PLCB1: variants seen among roughly 807,000 people sequenced by gnomAD.
The protein encoded by PLCB1 is 1-phosphatidylinositol 4,5-bisphosphate phosphodiesterase beta-1.
PLCB1 carries 46 observed loss-of-function variants against 161.8 expected under a neutral mutation model. That is an observed-to-expected ratio of 0.28 (90% CI 0.22 to 0.36). PLCB1 has a LOEUF of 0.36. Among genes scored for constraint, PLCB1 ranks in the 10% least tolerant of loss-of-function variants. The pLI is 1.00. For missense variants in PLCB1, 1,016 were observed against 1,472.5 expected, an observed-to-expected ratio of 0.69 and a Z score of 5.07; for synonymous variants, 517 against 503.7, an observed-to-expected ratio of 1.03 and a Z score of -0.35.
At chr20:8,385,317 C>A (rs974426208) in intron 3 of PLCB1, among the ~76,000 whole-genome samples, 8 of 152,214 alleles carry the variant, frequency 5.3e-5, no homozygotes, top group African/African-American at 1.9e-4. Flanking sequence ...CAGTCTGCCA[C>A]AGCTGGTGTG....
At chr20:8,844,876 C>T (rs374723206) in intron 31 of PLCB1, among the ~76,000 whole-genome samples, 5 of 151,984 alleles carry the variant, frequency 3.3e-5, no homozygotes, top group South Asian at 4.2e-4. Context: ...TTTGGGAGGC[C>T]GAGGCGGGCG....
intron 12 of PLCB1, 44 bp from the exon 13 acceptor site, chr20:8,716,220 A>C: frequency 7.0e-7 from 1 of 1,434,542 alleles, no homozygotes; most frequent in Non-Finnish European, 9.8e-7. Flanking sequence ...GGTTCTTTGG[A>C]TAAGCCTCCC....
intron 3 of PLCB1, among the ~76,000 whole-genome samples, chr20:8,518,671 A>G (rs920137453): frequency 6.6e-6 from 1 of 152,292 alleles, no homozygotes; most frequent in Non-Finnish European, 1.5e-5. Flanking sequence ...CAATTTTTCC[A>G]TGGACCAGGG....
intron 31 of PLCB1, among the ~76,000 whole-genome samples, chr20:8,879,269 A>T (rs940657029): frequency 6.6e-6 from 1 of 150,958 alleles, no homozygotes; most frequent in African/African-American, 2.5e-5. Flanking sequence ...ATAAACATAC[A>T]AGTGCATGTC....
intron 2 of PLCB1, among the ~76,000 whole-genome samples, chr20:8,366,008 T>C (rs1406189458): frequency 6.6e-6 from 1 of 152,164 alleles, no homozygotes; most frequent in Non-Finnish European, 1.5e-5. Context: ...AGTATGCTTA[T>C]GGCTGATGGA....
chr20:8,591,062 G>A (rs1987136321), intron 3 of PLCB1, among the ~76,000 whole-genome samples: 1 of 152,128 alleles, frequency 6.6e-6, no homozygotes, highest in Non-Finnish European at 1.5e-5. Flanking sequence ...TTATAAGCGA[G>A]AACATGAGGC....
chr20:8,636,125 T>G (rs1388957816), intron 4 of PLCB1, among the ~76,000 whole-genome samples: 3 of 152,240 alleles, frequency 2.0e-5, no homozygotes, highest in Non-Finnish European at 4.4e-5. Flanking sequence ...TTCAGCAATT[T>G]GTTTTGGGAC....
At chr20:8,702,564 A>G (rs1320120310) in intron 11 of PLCB1, among the ~76,000 whole-genome samples, 1 of 152,182 alleles carries the variant, frequency 6.6e-6, no homozygotes, top group Non-Finnish European at 1.5e-5. Flanking sequence ...CACATATAAA[A>G]TGGATATCCA....
intron 3 of PLCB1, among the ~76,000 whole-genome samples, chr20:8,574,635 T>TAGTCAATAAAGGA (rs1162936148): frequency 2.0e-5 from 3 of 152,172 alleles, no homozygotes; most frequent in African/African-American, 7.2e-5. Context: ...AAAGGATATG[T>TAGTCAATAAAGGA]TATCAAGCCA....
intron 23 of PLCB1, 114 bp from the exon 24 acceptor site, chr20:8,756,932 T>C (rs892070242): frequency 1.0e-6 from 1 of 1,004,474 alleles, no homozygotes; most frequent in Non-Finnish European, 1.4e-6. Flanking sequence ...AAATTTGATA[T>C]TTCCAACTCC....
chr20:8,594,096 T>C (rs1345647206), intron 3 of PLCB1, among the ~76,000 whole-genome samples: 1 of 152,122 alleles, frequency 6.6e-6, no homozygotes, highest in Non-Finnish European at 1.5e-5. Flanking sequence ...TTGCCCACGC[T>C]GGTCTTGAAC....
chr20:8,347,727 A>G (rs1986041518), intron 2 of PLCB1, among the ~76,000 whole-genome samples: 1 of 152,248 alleles, frequency 6.6e-6, no homozygotes, highest in Non-Finnish European at 1.5e-5. Flanking sequence ...ATAACAACCA[A>G]TGAATGGACT....
At chr20:8,351,974 C>T (rs781390341) in intron 2 of PLCB1, among the ~76,000 whole-genome samples, 9 of 152,040 alleles carry the variant, frequency 5.9e-5, no homozygotes, top group Non-Finnish European at 8.8e-5. Context: ...CATGATCTAG[C>T]AATTGTGCTC....
chr20:8,440,645 T>C (rs1297412526), intron 3 of PLCB1, among the ~76,000 whole-genome samples: 1 of 151,950 alleles, frequency 6.6e-6, no homozygotes, highest in African/African-American at 2.4e-5. Flanking sequence ...TTTGGAAGGG[T>C]TGGGGGAAGG....
intron 3 of PLCB1, among the ~76,000 whole-genome samples, chr20:8,476,778 TC>T (rs1982299142): frequency 6.6e-6 from 1 of 152,164 alleles, no homozygotes; most frequent in African/African-American, 2.4e-5. Flanking sequence ...GAATATCTTA[TC>T]TTCACTTGTA....
intron 2 of PLCB1, among the ~76,000 whole-genome samples, chr20:8,355,140 G>A (rs559149655): frequency 6.6e-6 from 1 of 151,964 alleles, no homozygotes; most frequent in African/African-American, 2.4e-5. Flanking sequence ...GATAAAACAG[G>A]TTCTTTGCTT....
At chr20:8,825,292 A>T (rs571997578) in intron 31 of PLCB1, among the ~76,000 whole-genome samples, 17 of 152,354 alleles carry the variant, frequency 1.1e-4, no homozygotes, top group Admixed American at 5.9e-4. Flanking sequence ...GCATGGTGCC[A>T]GGAAAACCCA....
chr20:8,644,600 A>C (rs1254040773), intron 4 of PLCB1, among the ~76,000 whole-genome samples: 1 of 149,588 alleles, frequency 6.7e-6, no homozygotes, highest in African/African-American at 2.5e-5. Flanking sequence ...TCCGCCTGGC[A>C]GCTGCCCTGT....
At chr20:8,299,069 A>C (rs1472851549) in intron 2 of PLCB1, among the ~76,000 whole-genome samples, 1 of 152,194 alleles carries the variant, frequency 6.6e-6, no homozygotes, top group East Asian at 1.9e-4. Flanking sequence ...AAGTAGCAAA[A>C]GAGAGACTGC....
Sources: allele counts gnomAD v4.1 joint callset (sites outside exome capture counted in the v4.1 genomes callset), GRCh38; gene constraint gnomAD v4.1.1; transcripts MANE v1.5; gene names NCBI Gene and HGNC (gene_info 2026-07-23, HGNC 2026-07-21).